RIMS2: variants seen among roughly 807,000 people sequenced by gnomAD.
The protein encoded by RIMS2 is regulating synaptic membrane exocytosis protein 2.
RIMS2 carries 59 observed loss-of-function variants against 174.4 expected under a neutral mutation model. The ratio of observed to expected loss-of-function variants is 0.34; its 90% CI spans 0.27 to 0.42. The LOEUF (loss-of-function observed/expected upper bound fraction) is 0.42, where lower values mean the gene tolerates loss of function less well. Among genes scored for constraint, RIMS2 ranks in the 10% least tolerant of loss-of-function variants. RIMS2 has a pLI of 1.00. For synonymous variants in RIMS2, 606 were observed against 572.5 expected (o/e 1.06, Z -0.84); for missense variants, 1,620 against 1,666.3 (o/e 0.97, Z 0.48).
At chr8:104,166,204 C>CT (rs2098796974) in intron 19 of RIMS2, among the ~76,000 whole-genome samples, 1 of 151,352 alleles carries the variant, frequency 6.6e-6, no homozygotes, top group African/African-American at 2.4e-5. Flanking sequence ...GTAGCTGGGA[C>CT]TACAGGCGCC....
rs148582390 is a variant in RIMS2, at chr8:103,592,982, T to C, written c.176+91920T>C. ...TTATTTGAATTTTGAGCCAAAGTAG[T>C]TGCTTTTTTTCATGGGACTCAATTT... is the stretch of plus-strand genomic sequence containing the variant. On this transcript the variant is annotated intron_variant, in intron 1 of 23. Transcript: ENST00000504942. Among the ~76,000 whole-genome samples the C allele has an allele frequency of 4.8e-4, 72 of 151,480 alleles. No individual in the cohort carries two copies. The East Asian group carries it at 0.012, about 25-fold the overall frequency.
At chr8:103,833,687 A>T (rs1367742076) in intron 3 of RIMS2, among the ~76,000 whole-genome samples, 1 of 151,994 alleles carries the variant, frequency 6.6e-6, no homozygotes, top group Non-Finnish European at 1.5e-5. Context: ...TTGTTCTAAA[A>T]TTTCCATTTA....
At chr8:103,813,412 C>CTTTCTTTCTTTCTTTCTTTCTTTA (rs542732882) in intron 3 of RIMS2, among the ~76,000 whole-genome samples, 18 of 151,564 alleles carry the variant, frequency 1.2e-4, no homozygotes, top group African/African-American at 4.4e-4. Context: ...TTCTTTCTTT[C>CTTTCTTTCTTTCTTTCTTTCTTTA]TTTATTATAC....
At chr8:103,553,169 T>G (rs111286589) in intron 1 of RIMS2, among the ~76,000 whole-genome samples, 1 of 151,762 alleles carries the variant, frequency 6.6e-6, no homozygotes, top group Non-Finnish European at 1.5e-5. Flanking sequence ...TGGCACTATT[T>G]ACAATAGCAA....
intron 19 of RIMS2, among the ~76,000 whole-genome samples, chr8:104,166,718 TTTTATA>T (rs2098800250): frequency 6.6e-6 from 1 of 151,684 alleles, no homozygotes; most frequent in Non-Finnish European, 1.5e-5. Flanking sequence ...AGTTACACAG[TTTTATA>T]TTTATAACTG....
chr8:104,132,585 A>G (rs2098482161), intron 19 of RIMS2, among the ~76,000 whole-genome samples: 1 of 152,184 alleles, frequency 6.6e-6, no homozygotes, highest in Admixed American at 6.5e-5. Flanking sequence ...GGGTATACAG[A>G]GATAAAATAA....
intron 19 of RIMS2, among the ~76,000 whole-genome samples, chr8:104,208,931 T>G (rs2099093271): frequency 6.6e-6 from 1 of 152,232 alleles, no homozygotes; most frequent in Non-Finnish European, 1.5e-5. Flanking sequence ...AAAAATTACG[T>G]AATTTTAAGA....
intron 19 of RIMS2, among the ~76,000 whole-genome samples, chr8:104,176,202 T>A (rs1399361778): frequency 6.6e-6 from 1 of 152,196 alleles, no homozygotes; most frequent in South Asian, 2.1e-4. Context: ...TTACTTCTTG[T>A]TTCTTGGCTA....
chr8:103,635,565 G>A (rs149353745), intron 1 of RIMS2, among the ~76,000 whole-genome samples: 13 of 152,360 alleles, frequency 8.5e-5, no homozygotes, highest in African/African-American at 1.2e-4. Flanking sequence ...GTGAAACAGC[G>A]AAGGTAACAG....
chr8:104,079,230 T>C (rs983170099), intron 19 of RIMS2, among the ~76,000 whole-genome samples: 2 of 152,162 alleles, frequency 1.3e-5, no homozygotes, highest in Admixed American at 6.5e-5. Flanking sequence ...GAATTGTAGA[T>C]AAGTTGCAGG....
chr8:103,860,503 A>T (rs527605050), intron 3 of RIMS2, among the ~76,000 whole-genome samples: 8 of 152,238 alleles, frequency 5.3e-5, no homozygotes, highest in East Asian at 3.9e-4. Flanking sequence ...GGGCTTAGGG[A>T]AAGGGTGCAT....
At chr8:103,958,261 A>T (rs759658234) in intron 14 of RIMS2, among the ~76,000 whole-genome samples, 18 of 152,218 alleles carry the variant, frequency 1.2e-4, no homozygotes, top group Non-Finnish European at 2.5e-4. Context: ...AGGAACATGG[A>T]TGGAACTGTA....
At chr8:103,965,763 G>C (rs56239440) in intron 15 of RIMS2, among the ~76,000 whole-genome samples, 19,293 of 152,012 alleles carry the variant, frequency 0.13, 1,692 homozygotes, top group Non-Finnish European at 0.19. Flanking sequence ...TGGTAAATAT[G>C]ATGTTAGCTG....
At chr8:103,606,733 T>A (rs942531215) in intron 1 of RIMS2, among the ~76,000 whole-genome samples, 2 of 152,192 alleles carry the variant, frequency 1.3e-5, no homozygotes, top group Non-Finnish European at 2.9e-5. Context: ...TCTTGTTGAA[T>A]TGATCCCTTT....
At chr8:103,549,961 T>C (rs1048044951) in intron 1 of RIMS2, among the ~76,000 whole-genome samples, 13 of 152,174 alleles carry the variant, frequency 8.5e-5, no homozygotes, top group African/African-American at 2.9e-4. Context: ...TAAAGCAAGT[T>C]CTTAGAGACC....
At chr8:103,819,464 G>C in intron 3 of RIMS2, 4 of 1,606,846 alleles carry the variant, frequency 2.5e-6, no homozygotes, top group Non-Finnish European at 3.4e-6. Flanking sequence ...TTTAAAGACA[G>C]GTGGTAGGGA....
At chr8:103,735,592 G>A (rs991763940) in intron 2 of RIMS2, among the ~76,000 whole-genome samples, 2 of 152,038 alleles carry the variant, frequency 1.3e-5, no homozygotes, top group African/African-American at 4.8e-5. Flanking sequence ...ATTTTTGGAG[G>A]ACCTCAAATC....
At chr8:104,077,990 A>G (rs981002603) in intron 19 of RIMS2, among the ~76,000 whole-genome samples, 12 of 151,940 alleles carry the variant, frequency 7.9e-5, no homozygotes, top group Admixed American at 2.0e-4. Context: ...TAAAAATACC[A>G]AAAATTACCT....
At chr8:103,579,904 CAGAG>C (rs746925281) in intron 1 of RIMS2, among the ~76,000 whole-genome samples, 1 of 152,100 alleles carries the variant, frequency 6.6e-6, no homozygotes, top group African/African-American at 2.4e-5. Flanking sequence ...TGGCAGGAGA[CAGAG>C]AGAGTGAAGA....
Sources: gnomAD v4.1 joint callset for allele counts (sites outside exome capture counted in the v4.1 genomes callset) on GRCh38, gnomAD v4.1.1 for gene constraint, MANE v1.5 for transcripts, NCBI Gene and HGNC (gene_info 2026-07-23, HGNC 2026-07-21) for gene names.